Variants in AGBL1 observed in about 807,000 individuals in gnomAD.
AGBL1 encodes cytosolic carboxypeptidase 4.
AGBL1 carries 130 observed loss-of-function variants against 118.9 expected under a neutral mutation model. The observed-to-expected ratio is 1.09, with a 90% CI of 0.95 to 1.26. AGBL1 has a LOEUF of 1.26. Among genes scored for constraint, AGBL1 ranks in the 50% most tolerant of loss-of-function variants. AGBL1 has a pLI of 0.00. For missense variants in AGBL1, 1,584 were observed against 1,298.1 expected, an observed-to-expected ratio of 1.22 and a Z score of -3.38; for synonymous variants, 555 against 478.9, an observed-to-expected ratio of 1.16 and a Z score of -2.08.
intron 17 of AGBL1, among the ~76,000 whole-genome samples, chr15:86,368,452 T>C (rs2080924200): frequency 6.6e-6 from 1 of 152,226 alleles, no homozygotes; most frequent in Non-Finnish European, 1.5e-5. Flanking sequence ...ATGAAGATTT[T>C]AAAGTTACTA....
chr15:86,748,599 G>T (rs974753445), intron 22 of AGBL1, among the ~76,000 whole-genome samples: 1 of 127,964 alleles, frequency 7.8e-6, no homozygotes, highest in Non-Finnish European at 1.6e-5. Context: ...CCTATGTCCT[G>T]AATGGTAATG....
intron 22 of AGBL1, among the ~76,000 whole-genome samples, chr15:86,721,684 G>C (rs1414199422): frequency 1.3e-4 from 20 of 150,938 alleles, no homozygotes; most frequent in South Asian, 6.3e-4. Flanking sequence ...GGAAATAAAA[G>C]ATATTCAATT....
chr15:86,997,666 T>C (rs1285334104), intron 24 of AGBL1, among the ~76,000 whole-genome samples: 3 of 152,136 alleles, frequency 2.0e-5, no homozygotes, highest in Non-Finnish European at 2.9e-5. Flanking sequence ...CTTTTTGTTT[T>C]TTCCTCATGG....
At chr15:86,385,622 A>G (rs2081172804) in intron 17 of AGBL1, among the ~76,000 whole-genome samples, 1 of 152,130 alleles carries the variant, frequency 6.6e-6, no homozygotes, top group Non-Finnish European at 1.5e-5. Context: ...TTTGTCTGAC[A>G]CTCCTTGACA....
chr15:86,458,316 A>G (rs1030128308), intron 18 of AGBL1, among the ~76,000 whole-genome samples: 1 of 152,190 alleles, frequency 6.6e-6, no homozygotes, highest in African/African-American at 2.4e-5. Flanking sequence ...TGGATATATT[A>G]TGCCATATGT....
chr15:86,674,247 C>T (rs1217901459), intron 21 of AGBL1, 26 bp from the exon 22 acceptor site: 2 of 1,591,688 alleles, frequency 1.3e-6, no homozygotes, highest in Non-Finnish European at 1.7e-6. Flanking sequence ...TACGTTGCCA[C>T]AGTTAATGCT....
intron 6 of AGBL1, among the ~76,000 whole-genome samples, chr15:86,238,163 A>T (rs1401026652): frequency 1.3e-5 from 2 of 151,980 alleles, no homozygotes; most frequent in African/African-American, 2.4e-5. Context: ...ACTTGTCTCT[A>T]TGTGAAATTG....
intron 22 of AGBL1, among the ~76,000 whole-genome samples, chr15:86,817,642 C>CAG (rs1332549249): frequency 1.2e-4 from 18 of 146,474 alleles, no homozygotes; most frequent in Admixed American, 8.9e-4. Context: ...CACACACACA[C>CAG]ACACAGACAC....
At chr15:86,467,047 T>A (rs1437827843) in intron 18 of AGBL1, among the ~76,000 whole-genome samples, 1 of 152,198 alleles carries the variant, frequency 6.6e-6, no homozygotes, top group African/African-American at 2.4e-5. Flanking sequence ...GCAGGAACAT[T>A]TAATTCTGCT....
intron 22 of AGBL1, among the ~76,000 whole-genome samples, chr15:86,866,367 G>A (rs1190185561): frequency 6.6e-6 from 1 of 152,162 alleles, no homozygotes; most frequent in Admixed American, 6.5e-5. Flanking sequence ...ATGTCGCTAT[G>A]GCATTGATCA....
intron 22 of AGBL1, among the ~76,000 whole-genome samples, chr15:86,820,301 TTAAAC>T (rs2078921789): frequency 6.6e-6 from 1 of 152,066 alleles, no homozygotes; most frequent in Non-Finnish European, 1.5e-5. Context: ...TGGGAACCAA[TTAAAC>T]TAAAGAGCTT....
intron 1 of AGBL1, among the ~76,000 whole-genome samples, chr15:86,113,543 C>T (rs1030797801): frequency 2.0e-5 from 3 of 152,048 alleles, no homozygotes; most frequent in African/African-American, 7.2e-5. Context: ...GCCTTGGCCT[C>T]CCAAAGTGCT....
chr15:86,541,880 C>T (rs1260326720), intron 19 of AGBL1, among the ~76,000 whole-genome samples: 1 of 152,098 alleles, frequency 6.6e-6, no homozygotes, highest in Non-Finnish European at 1.5e-5. Flanking sequence ...TAAGTACATG[C>T]TGTTACCCAA....
At chr15:86,095,370 C>T (rs980229519) in intron 1 of AGBL1, among the ~76,000 whole-genome samples, 2 of 152,102 alleles carry the variant, frequency 1.3e-5, no homozygotes, top group Non-Finnish European at 2.9e-5. Context: ...CCAACTATGT[C>T]TTAGTCTTTC....
intron 21 of AGBL1, among the ~76,000 whole-genome samples, chr15:86,587,798 T>C (rs1265844527): frequency 1.3e-5 from 2 of 152,212 alleles, no homozygotes; most frequent in Non-Finnish European, 2.9e-5. Flanking sequence ...AGAACCCACG[T>C]AGTAATCACA....
chr15:86,774,924 C>T (rs1053382028), intron 22 of AGBL1, among the ~76,000 whole-genome samples: 2 of 151,960 alleles, frequency 1.3e-5, no homozygotes, highest in African/African-American at 2.4e-5. Context: ...AGGATGTTGC[C>T]CTTTAAGTCA....
At chr15:87,021,803 T>C (rs2081667556) in intron 24 of AGBL1, among the ~76,000 whole-genome samples, 1 of 152,108 alleles carries the variant, frequency 6.6e-6, no homozygotes, top group African/African-American at 2.4e-5. Context: ...ATGTGGAGGC[T>C]TGCATTATGA....
chr15:86,749,692 C>G (rs1341294197), intron 22 of AGBL1, among the ~76,000 whole-genome samples: 2 of 152,122 alleles, frequency 1.3e-5, no homozygotes, highest in South Asian at 2.1e-4. Flanking sequence ...CCATCAATAC[C>G]TAATTTATTG....
chr15:86,936,236 ATGTATGTGTGTG>A (rs1167493977), intron 23 of AGBL1, among the ~76,000 whole-genome samples: 11 of 105,766 alleles, frequency 1.0e-4, no homozygotes, highest in African/African-American at 2.5e-4. Flanking sequence ...AGCAGTGTGT[ATGTATGTGTGTG>A]TGTGTGTGTG....
Sources: allele counts gnomAD v4.1 joint callset (sites outside exome capture counted in the v4.1 genomes callset), GRCh38; gene constraint gnomAD v4.1.1; transcripts MANE v1.5; gene names NCBI Gene and HGNC (gene_info 2026-07-23, HGNC 2026-07-21).